The following SLC4A10 variants were observed in gnomAD, a reference collection of about 807,000 sequenced individuals.
SLC4A10 encodes the protein solute carrier family 4 member 10, also known as sodium-driven chloride bicarbonate exchanger.
A neutral mutation model predicts 137.7 loss-of-function variants in SLC4A10; 42 were observed. The observed-to-expected ratio is 0.30, with a 90% confidence interval of 0.24 to 0.39. SLC4A10 has a LOEUF of 0.39. SLC4A10 is among the 10% of genes least tolerant of loss of function. SLC4A10 has a pLI of 1.00. For synonymous variants in SLC4A10, 474 were observed against 464.1 expected (o/e 1.02, Z -0.27); for missense variants, 925 against 1,355.0 (o/e 0.68, Z 4.98).
chr2:161,948,377 G>A (rs1694208323), intron 17 of SLC4A10, among the ~76,000 whole-genome samples: 1 of 152,078 alleles, frequency 6.6e-6, no homozygotes, highest in Admixed American at 6.6e-5. Context: ...CCTTCCGAAG[G>A]GGGCTTCTTT....
intron 11 of SLC4A10, among the ~76,000 whole-genome samples, chr2:161,895,520 G>T (rs984924019): frequency 6.6e-6 from 1 of 152,124 alleles, no homozygotes; most frequent in African/African-American, 2.4e-5. Context: ...CTAGTTTACA[G>T]TCCCACCAAC....
intron 15 of SLC4A10, among the ~76,000 whole-genome samples, chr2:161,923,716 C>G (rs1265139414): frequency 6.6e-6 from 1 of 151,722 alleles, no homozygotes; most frequent in Non-Finnish European, 1.5e-5. Context: ...GGAGATATAC[C>G]TAATGTTAAA....
rs139265464 is a variant in SLC4A10 at position 161,888,191 on chromosome 2, T to A, written c.1194+5747T>A. On this transcript the variant is annotated intron_variant, in intron 10 of 26. Coordinates refer to ENST00000446997, the MANE Select transcript of SLC4A10 (RefSeq NM_001178015.2). ...TGGTTTGGATACAAGTGCCCTGTGG[T>A]TTTTCCATGTAGTATAGTTTGAAGT... is the stretch of plus-strand genomic sequence containing the variant. 3.4e-3 allele frequency among the ~76,000 whole-genome samples: 525 copies of A among 152,274 alleles called. 1 individual carries two copies. The highest frequency in any genetic ancestry group is 5.9e-3 in the Non-Finnish European group (398 of 68,002).
chr2:161,625,424 AC>A (rs2032128997), intron 1 of SLC4A10, among the ~76,000 whole-genome samples: 1 of 151,760 alleles, frequency 6.6e-6, no homozygotes, highest in Non-Finnish European at 1.5e-5. Context: ...GAAAAAAAAA[AC>A]CCAGTATTTT....
intron 2 of SLC4A10, among the ~76,000 whole-genome samples, chr2:161,797,729 C>T (rs72877379): frequency 0.066 from 10,090 of 152,052 alleles, 438 homozygotes; most frequent in East Asian, 0.15. Context: ...AAAATAAACA[C>T]TATCTCAAGA....
chr2:161,954,803 G>T (rs1695374639), intron 19 of SLC4A10, among the ~76,000 whole-genome samples: 1 of 152,072 alleles, frequency 6.6e-6, no homozygotes, highest in Non-Finnish European at 1.5e-5. Context: ...TCCTCTGAAA[G>T]AATTATTTTG....
chr2:161,687,776 T>G (rs1399599984), intron 1 of SLC4A10, among the ~76,000 whole-genome samples: 1 of 152,138 alleles, frequency 6.6e-6, no homozygotes, highest in Non-Finnish European at 1.5e-5. Context: ...TCTCACGAGA[T>G]CTCATGATTT....
intron 1 of SLC4A10, among the ~76,000 whole-genome samples, chr2:161,647,821 C>G (rs763502319): frequency 6.6e-6 from 1 of 152,118 alleles, no homozygotes; most frequent in African/African-American, 2.4e-5. Context: ...CTCTGTCATC[C>G]AGATGTCACA....
intron 3 of SLC4A10, among the ~76,000 whole-genome samples, chr2:161,838,213 G>A (rs1377197479): frequency 6.6e-6 from 1 of 151,890 alleles, no homozygotes; most frequent in Non-Finnish European, 1.5e-5. Flanking sequence ...TACTTTTTCT[G>A]TGTCTTTTAT....
At chr2:161,916,386 C>T (rs1423637564) in intron 15 of SLC4A10, among the ~76,000 whole-genome samples, 5 of 152,018 alleles carry the variant, frequency 3.3e-5, no homozygotes, top group Non-Finnish European at 1.5e-5. Context: ...CACTTATCTT[C>T]ACTCTCTCTA....
Position 161,834,660 on chromosome 2 carries a change from TACACACACACACACAC to T in SLC4A10, c.278-5103_278-5088del, listed in dbSNP as rs72327926. On this transcript the variant is annotated intron_variant, in intron 3 of 26. Transcript: ENST00000446997. ...CATCAGGGAAAGATCCTTTATCGCC[TACACACACACACACAC>T]ACACACACACACACACACACACACA... Among the ~76,000 whole-genome samples the T allele has an allele frequency of 3.2e-4, 45 of 141,018 alleles. 1 individual carries two copies. The highest frequency in any genetic ancestry group is 1.3e-4 in the African/African-American group (5 of 37,900). 92.5% of individuals were successfully genotyped at this position (141,018 alleles called of 152,430 possible). A position where few individuals can be genotyped will look rare whatever the true frequency, so the allele number is the denominator to read the frequency against.
chr2:161,827,508 A>G (rs2058090919), intron 3 of SLC4A10, among the ~76,000 whole-genome samples: 2 of 151,908 alleles, frequency 1.3e-5, no homozygotes. Flanking sequence ...GTAATTCTAT[A>G]TCATCATTAT....
chr2:161,756,234 CT>C (rs1430231399), intron 1 of SLC4A10, among the ~76,000 whole-genome samples: 1 of 152,070 alleles, frequency 6.6e-6, no homozygotes, highest in East Asian at 1.9e-4. Context: ...AGTATTTAAT[CT>C]CTACAAATAT....
At chr2:161,894,895 T>C (rs555027564) in intron 11 of SLC4A10, 70 bp downstream of exon 11, 17 of 878,312 alleles carry the variant, frequency 1.9e-5, no homozygotes, top group Admixed American at 1.2e-4. Flanking sequence ...TTTTATTTTA[T>C]TTTATTTATT....
chr2:161,762,264 A>C (rs2050324692), intron 1 of SLC4A10, among the ~76,000 whole-genome samples: 2 of 152,158 alleles, frequency 1.3e-5, no homozygotes, highest in Admixed American at 6.6e-5. Flanking sequence ...AATAAATATG[A>C]GTTTAAAAAC....
chr2:161,977,837 G>A (rs958610188), intron 26 of SLC4A10, 77 bp downstream of exon 26: 1 of 1,360,338 alleles, frequency 7.4e-7, no homozygotes, highest in Non-Finnish European at 9.8e-7. Context: ...AACCTGGTCA[G>A]TCTATGTCCT....
chr2:161,712,092 T>C (rs948880847), intron 1 of SLC4A10, among the ~76,000 whole-genome samples: 2 of 151,838 alleles, frequency 1.3e-5, no homozygotes, highest in Non-Finnish European at 1.5e-5. Flanking sequence ...CAAAAATATA[T>C]GCTACACTGA....
chr2:161,788,205 G>C (rs756213275), intron 2 of SLC4A10, among the ~76,000 whole-genome samples: 4 of 151,876 alleles, frequency 2.6e-5, no homozygotes, highest in Non-Finnish European at 4.4e-5. Context: ...CCTTTGTGTG[G>C]TGGCTTTCTC....
chr2:161,811,545 A>G (rs1454240859), intron 3 of SLC4A10, among the ~76,000 whole-genome samples: 1 of 152,010 alleles, frequency 6.6e-6, no homozygotes, highest in Non-Finnish European at 1.5e-5. Flanking sequence ...GACCTTCAAC[A>G]TCTCCTCCTA....
Sources: gnomAD v4.1 joint callset for allele counts (sites outside exome capture counted in the v4.1 genomes callset) on GRCh38, gnomAD v4.1.1 for gene constraint, MANE v1.5 for transcripts, NCBI Gene and HGNC (gene_info 2026-07-23, HGNC 2026-07-21) for gene names.